Variants in MERTK observed in about 807,000 individuals in gnomAD.
The protein encoded by MERTK is tyrosine-protein kinase Mer.
MERTK carries 69 observed loss-of-function variants against 99.3 expected under a neutral mutation model. The ratio of observed to expected loss-of-function variants is 0.70; its 90% CI spans 0.57 to 0.85. The LOEUF (loss-of-function observed/expected upper bound fraction) is 0.85. Ranked by LOEUF, MERTK falls within the 40% of genes least tolerant of loss-of-function variation. MERTK has a pLI of 0.00. For synonymous variants in MERTK, 426 were observed against 467.6 expected (o/e 0.91, Z 1.15); for missense variants, 1,125 against 1,249.4 (o/e 0.90, Z 1.50).
At chr2:111,965,553 C>G (rs1250909776) in intron 5 of MERTK, among the ~76,000 whole-genome samples, 1 of 152,226 alleles carries the variant, frequency 6.6e-6, no homozygotes, top group African/African-American at 2.4e-5. Flanking sequence ...AACATTCACT[C>G]GTTTAGCTCT....
At chr2:111,923,073 C>G (rs1684495420) in intron 1 of MERTK, among the ~76,000 whole-genome samples, 1 of 152,322 alleles carries the variant, frequency 6.6e-6, no homozygotes, top group Admixed American at 6.5e-5. Flanking sequence ...TGGACCACCT[C>G]TCTTCCCTGC....
intron 7 of MERTK, among the ~76,000 whole-genome samples, chr2:111,977,237 G>A (rs1303759703): frequency 6.6e-6 from 1 of 151,886 alleles, no homozygotes; most frequent in Non-Finnish European, 1.5e-5. Context: ...TGTAGTCTGG[G>A]GAAAAATATT....
chr2:111,987,867 G>C (rs532034672), intron 8 of MERTK, among the ~76,000 whole-genome samples: 2 of 152,220 alleles, frequency 1.3e-5, no homozygotes, highest in Non-Finnish European at 2.9e-5. Context: ...TTTTTATGGA[G>C]TTCGTTGCTT....
At chr2:111,987,870 C>T (rs771792157) in intron 8 of MERTK, among the ~76,000 whole-genome samples, 3 of 151,926 alleles carry the variant, frequency 2.0e-5, no homozygotes, top group Non-Finnish European at 2.9e-5. Flanking sequence ...TTATGGAGTT[C>T]GTTGCTTTGG....
At chr2:111,956,398 C>T (rs1685149429) in intron 4 of MERTK, among the ~76,000 whole-genome samples, 1 of 152,042 alleles carries the variant, frequency 6.6e-6, no homozygotes, top group African/African-American at 2.4e-5. Context: ...TTTTGACCTG[C>T]CTTTCTGTTA....
rs34072093 is a variant in MERTK, at chr2:111,968,170, G to A, written c.878G>A (p.Arg293His). The A allele has an allele frequency of 0.011, 18,270 of 1,613,914 alleles. 149 individuals are homozygous for A. Among genetic ancestry groups the A allele is most frequent in the Non-Finnish European group, 0.013 (15,798 of 1,179,932 alleles). ...TCCCCACCAACTGAAGTCAGCATCC[G>A]TAACAGCACTGCACACAGCATTCTG... ...IPSPPTEVSI[R>H]NSTAHSILIS... is the part of the protein sequence containing the mutation. The change falls in exon 6 of 19, where the codon CGT becomes CAT. Residue 293 changes from arginine to histidine, a missense_variant. Coordinates refer to ENST00000295408, the MANE Select transcript of MERTK (RefSeq NM_006343.3).
At chr2:111,956,600 A>G (rs1685152426) in intron 4 of MERTK, among the ~76,000 whole-genome samples, 1 of 152,222 alleles carries the variant, frequency 6.6e-6, no homozygotes, top group Non-Finnish European at 1.5e-5. Flanking sequence ...CATAATGCCC[A>G]CAGTACTTTC....
At chr2:112,003,729 G>C (rs575849258) in intron 12 of MERTK, among the ~76,000 whole-genome samples, 175 bp from the exon 13 acceptor site, 1 of 152,316 alleles carries the variant, frequency 6.6e-6, no homozygotes, top group South Asian at 2.1e-4. Flanking sequence ...CAGGAGACTA[G>C]AGCGTGGCGC....
chr2:111,953,312 C>T (rs1318808578), intron 4 of MERTK, among the ~76,000 whole-genome samples: 6 of 152,178 alleles, frequency 3.9e-5, no homozygotes, highest in African/African-American at 1.4e-4. Flanking sequence ...ATTCTAGTTT[C>T]TAAATCAATA....
At chr2:111,979,532 T>A (rs1486382212) in intron 7 of MERTK, among the ~76,000 whole-genome samples, 2 of 152,152 alleles carry the variant, frequency 1.3e-5, no homozygotes, top group Admixed American at 1.3e-4. Flanking sequence ...CCTTAAACTT[T>A]TTTTTTTCCT....
Position 111,997,464 on chromosome 2 carries a change from A to G in MERTK, c.1592A>G (p.Glu531Gly), listed in dbSNP as rs1467916312. The G allele has an allele frequency of 6.2e-7, 1 of 1,614,010 alleles. No homozygotes were observed. The highest frequency in any genetic ancestry group is 8.5e-7 in the Non-Finnish European group (1 of 1,180,020). ...ISLAIRKRVQ[E>G]TKFGNAFTEE... ...TTGGCCATCAGAAAAAGAGTCCAGG[A>G]GACAAAGTTTGGGTAAGTCTCCCAG... Residue 531 changes from glutamate (E) to glycine (G), a missense_variant, in exon 10 of 19, where the codon GAG becomes GGG. By Grantham distance (98) the Glu-to-Gly change is moderately conservative (BLOSUM62 -2). Coordinates refer to ENST00000295408, the MANE Select transcript of MERTK (RefSeq NM_006343.3).
rs772204397 is a variant in MERTK at position 112,022,400 on chromosome 2, T to A, written c.2486+6T>A. ...GAAGACTGCCTGGATGAACTGTGAG[T>A]GGGCTTCTCTGTCTCCCTTCCATAC... is the stretch of plus-strand genomic sequence containing the variant. On this transcript the variant is annotated splice_donor_region_variant and intron_variant, in intron 18 of 18. Coordinates refer to ENST00000295408, the MANE Select transcript of MERTK (RefSeq NM_006343.3). The A allele has an allele frequency of 7.4e-6, 12 of 1,614,070 alleles. No individual in the cohort carries two copies. In the African/African-American group the frequency reaches 1.3e-4, roughly 18 times the overall value.
At chr2:111,957,509 T>C (rs1255259764) in intron 4 of MERTK, among the ~76,000 whole-genome samples, 4 of 151,898 alleles carry the variant, frequency 2.6e-5, no homozygotes. Context: ...TCCCCACCCA[T>C]CCTGACCCTC....
At chr2:111,920,560 TG>T (rs386419687) in intron 1 of MERTK, among the ~76,000 whole-genome samples, 11,939 of 65,902 alleles carry the variant, frequency 0.18, 610 homozygotes, top group Middle Eastern at 0.25. Context: ...GATTGAAGGT[TG>T]TTTTTTTTTT....
At chr2:111,961,818 C>T (rs1247228831) in intron 4 of MERTK, among the ~76,000 whole-genome samples, 3 of 152,218 alleles carry the variant, frequency 2.0e-5, no homozygotes, top group Non-Finnish European at 4.4e-5. Context: ...ATTTTTTCTA[C>T]AGCGTCTCTC....
chr2:111,960,752 A>G, intron 4 of MERTK, among the ~76,000 whole-genome samples: 1 of 151,984 alleles, frequency 6.6e-6, no homozygotes, highest in South Asian at 2.1e-4. Flanking sequence ...TAGAAGAGTC[A>G]TGGTGGAAAA....
chr2:111,958,167 G>T (rs2104714927), intron 4 of MERTK, among the ~76,000 whole-genome samples: 1 of 152,280 alleles, frequency 6.6e-6, no homozygotes, highest in African/African-American at 2.4e-5. Flanking sequence ...GGGTTCCAGT[G>T]CCCGGGGCCA....
chr2:112,004,611 G>A (rs182450632), intron 13 of MERTK, among the ~76,000 whole-genome samples: 28 of 152,232 alleles, frequency 1.8e-4, no homozygotes, highest in Admixed American at 1.6e-3. Flanking sequence ...GGAGTAGAGC[G>A]CTATTAAGAG....
At chr2:111,965,821 ATCCCTCTTCCTCCTAAAC>A (rs1271096134) in intron 5 of MERTK, among the ~76,000 whole-genome samples, 1 of 152,144 alleles carries the variant, frequency 6.6e-6, no homozygotes, top group African/African-American at 2.4e-5. Flanking sequence ...CAATGCTCCT[ATCCCTCTTCCTCCTAAAC>A]TCCCTCTTCC....
Sources: allele counts gnomAD v4.1 joint callset (sites outside exome capture counted in the v4.1 genomes callset), GRCh38; gene constraint gnomAD v4.1.1; transcripts MANE v1.5; gene names NCBI Gene and HGNC (gene_info 2026-07-23, HGNC 2026-07-21).